Variants in CAMK1D observed in about 807,000 individuals in gnomAD.
CAMK1D encodes the protein calcium/calmodulin dependent protein kinase ID, also known as calcium/calmodulin-dependent protein kinase type 1D.
A neutral mutation model predicts 47.7 loss-of-function variants in CAMK1D; 9 were observed. The ratio of observed to expected loss-of-function variants is 0.19; its 90% CI spans 0.11 to 0.33. The LOEUF (loss-of-function observed/expected upper bound fraction) is 0.33, where lower values mean the gene tolerates loss of function less well. CAMK1D is among the 10% of genes least tolerant of loss of function. CAMK1D has a pLI of 1.00. For synonymous variants in CAMK1D, 184 were observed against 184.9 expected (o/e 0.99, Z 0.04); for missense variants, 291 against 488.7 (o/e 0.60, Z 3.81).
chr10:12,526,954 G>C (rs1835644331), intron 1 of CAMK1D, among the ~76,000 whole-genome samples: 1 of 150,844 alleles, frequency 6.6e-6, no homozygotes, highest in Non-Finnish European at 1.5e-5. Context: ...AGAAGGCCGA[G>C]ATGGGAGGAT....
chr10:12,536,340 G>A lies in CAMK1D; in HGVS notation c.93-16885G>A, dbSNP rs570034126. On this transcript the variant is annotated intron_variant, in intron 1 of 10. Transcript: ENST00000619168. ...GTCTCCAAGGCTGGAGTGCAGTGGC[G>A]TGATCTTGGCTCACTGCAGCCTCCG... 2.6e-5 allele frequency among the ~76,000 whole-genome samples: 4 copies of A among 152,130 alleles called. No individual in the cohort carries two copies. The South Asian group carries it at 6.2e-4, about 24-fold the overall frequency.
At chr10:12,526,203 T>C (rs2768457) in intron 1 of CAMK1D, among the ~76,000 whole-genome samples, 82,700 of 152,158 alleles carry the variant, frequency 0.54, 22,616 homozygotes, top group South Asian at 0.68. Context: ...GTCTGTCCTG[T>C]CTTTTGTGAG....
chr10:12,629,153 A>G (rs1335612575), intron 2 of CAMK1D, among the ~76,000 whole-genome samples: 1 of 152,184 alleles, frequency 6.6e-6, no homozygotes, highest in Non-Finnish European at 1.5e-5. Flanking sequence ...GCTTTTGTTC[A>G]GTGGCTTATT....
rs1200424798 is a variant in CAMK1D at position 12,520,803 on chromosome 10, C to A, written c.93-32422C>A. Reference sequence around the variant, plus strand: ...AACCAGTCAGGCGTGGCAGCGCGCGCCTGCAATCGCAGGCACTCGGCAGGC... The same window carrying A: ...AACCAGTCAGGCGTGGCAGCGCGCGACTGCAATCGCAGGCACTCGGCAGGC... On this transcript the variant is annotated intron_variant, in intron 1 of 10. Coordinates refer to ENST00000619168, the MANE Select transcript of CAMK1D (RefSeq NM_153498.4). Among the ~76,000 whole-genome samples, 3 of 48,490 alleles carry A rather than the reference C, an allele frequency of 6.2e-5. 1 individual carries two copies. The highest frequency in any genetic ancestry group is 1.2e-4 in the Non-Finnish European group (3 of 24,390). 31.8% of individuals were successfully genotyped at this position (48,490 alleles called of 152,430 possible). A position where few individuals can be genotyped will look rare whatever the true frequency, so the allele number is the denominator to read the frequency against.
At chr10:12,413,545 G>A in intron 1 of CAMK1D, among the ~76,000 whole-genome samples, 1 of 152,160 alleles carries the variant, frequency 6.6e-6, no homozygotes, top group East Asian at 1.9e-4. Flanking sequence ...TGATGAGTAT[G>A]ATGGTGATAA....
chr10:12,816,381 G>T, intron 8 of CAMK1D, 53 bp downstream of exon 8: 1 of 1,447,902 alleles, frequency 6.9e-7, no homozygotes, highest in Non-Finnish European at 9.6e-7. Flanking sequence ...CATCTGGGGG[G>T]GGCACGAAAC....
intron 1 of CAMK1D, among the ~76,000 whole-genome samples, chr10:12,513,060 G>A (rs1213880317): frequency 6.6e-6 from 1 of 152,210 alleles, no homozygotes; most frequent in Non-Finnish European, 1.5e-5. Flanking sequence ...GCTCAGAAGA[G>A]GAAATTCTGA....
intron 2 of CAMK1D, among the ~76,000 whole-genome samples, chr10:12,567,681 T>C (rs1350431532): frequency 6.6e-6 from 1 of 152,198 alleles, no homozygotes; most frequent in Non-Finnish European, 1.5e-5. Context: ...TTGAATTGCA[T>C]ATCCACAAAT....
At chr10:12,563,225 C>T (rs570817254) in intron 2 of CAMK1D, among the ~76,000 whole-genome samples, 4 of 152,246 alleles carry the variant, frequency 2.6e-5, no homozygotes, top group Admixed American at 6.5e-5. Flanking sequence ...TGTAGCGGCA[C>T]GCACCTATAC....
At chr10:12,359,518 T>C (rs1837602133) in intron 1 of CAMK1D, among the ~76,000 whole-genome samples, 1 of 150,102 alleles carries the variant, frequency 6.7e-6, no homozygotes, top group Non-Finnish European at 1.5e-5. Context: ...CCTGGGTAGC[T>C]TCTCGGTTTT....
intron 1 of CAMK1D, among the ~76,000 whole-genome samples, chr10:12,381,144 G>A (rs1442267793): frequency 6.6e-6 from 1 of 152,142 alleles, no homozygotes; most frequent in Non-Finnish European, 1.5e-5. Flanking sequence ...GAAAATAATA[G>A]CAAAAGGAGG....
intron 2 of CAMK1D, among the ~76,000 whole-genome samples, chr10:12,577,149 A>G (rs1346075573): frequency 1.3e-5 from 2 of 152,088 alleles, no homozygotes; most frequent in Non-Finnish European, 2.9e-5. Flanking sequence ...TCACTCACCC[A>G]TGTATGCTGC....
intron 2 of CAMK1D, among the ~76,000 whole-genome samples, chr10:12,659,129 A>C (rs1297253031): frequency 6.6e-6 from 1 of 152,194 alleles, no homozygotes; most frequent in African/African-American, 2.4e-5. Context: ...AACAGCTGGC[A>C]CTGAGAACGT....
At chr10:12,424,869 C>T in intron 1 of CAMK1D, among the ~76,000 whole-genome samples, 1 of 152,166 alleles carries the variant, frequency 6.6e-6, no homozygotes, top group East Asian at 1.9e-4. Flanking sequence ...TCATTCAACT[C>T]CCTCTTGCAT....
rs570588807 is a variant in CAMK1D, at chr10:12,721,947, G to A, written c.300-39001G>A. Among the ~76,000 whole-genome samples the A allele has an allele frequency of 3.4e-4, 52 of 152,286 alleles. No individual in the cohort carries two copies. The South Asian group carries it at 0.011, about 31-fold the overall frequency. ...AACCCCTCGCTGCCTTCTAAGTGCA[G>A]CAGGCTCTATAACAAGAGGGGGCTC... On this transcript the variant is annotated intron_variant, in intron 3 of 10. Coordinates refer to ENST00000619168, the MANE Select transcript of CAMK1D (RefSeq NM_153498.4).
chr10:12,572,629 T>A (rs1837362540), intron 2 of CAMK1D, among the ~76,000 whole-genome samples: 1 of 152,024 alleles, frequency 6.6e-6, no homozygotes, highest in Non-Finnish European at 1.5e-5. Context: ...TTACTTTTTT[T>A]TTCTAAAGTT....
chr10:12,691,364 TA>T lies in CAMK1D; in HGVS notation c.299+24555del, dbSNP rs1564495269. ...CTGAAGTTTTCTATATATATATATA[TA>T]TATATATATATAAATATATATATAT... On this transcript the variant is annotated intron_variant, in intron 3 of 10. Transcript: ENST00000619168. 4.4e-3 allele frequency among the ~76,000 whole-genome samples: 53 copies of T among 12,014 alleles called. 5 individuals carry two copies. Among genetic ancestry groups the T allele is most frequent in the East Asian group, 0.017 (6 of 352 alleles). 7.9% of individuals were successfully genotyped at this position (12,014 alleles called of 152,430 possible).
At chr10:12,376,684 A>T (rs1303527954) in intron 1 of CAMK1D, among the ~76,000 whole-genome samples, 1 of 151,934 alleles carries the variant, frequency 6.6e-6, no homozygotes, top group African/African-American at 2.4e-5. Flanking sequence ...GGATTCCCCC[A>T]CCTGCTCACA....
At chr10:12,670,880 T>G (rs995315013) in intron 3 of CAMK1D, among the ~76,000 whole-genome samples, 7 of 152,182 alleles carry the variant, frequency 4.6e-5, no homozygotes, top group African/African-American at 1.7e-4. Flanking sequence ...CACAAGGTTA[T>G]GCATCCATCA....
Sources: gnomAD v4.1 joint callset for allele counts (sites outside exome capture counted in the v4.1 genomes callset) on GRCh38, gnomAD v4.1.1 for gene constraint, MANE v1.5 for transcripts, NCBI Gene and HGNC (gene_info 2026-07-23, HGNC 2026-07-21) for gene names.